The following IMMP2L variants were observed in gnomAD, a reference collection of about 807,000 sequenced individuals.
IMMP2L encodes inner mitochondrial membrane peptidase subunit 2, also known as mitochondrial inner membrane protease subunit 2.
Under a neutral mutation model 19.3 loss-of-function variants are expected in IMMP2L, and 18 were observed. The observed-to-expected ratio is 0.93, with a 90% CI of 0.64 to 1.38. IMMP2L has a LOEUF of 1.38. Ranked by LOEUF, IMMP2L falls within the 40% of genes most tolerant of loss-of-function variation. The pLI is 0.00. For synonymous variants in IMMP2L, 76 were observed against 73.0 expected (o/e 1.04, Z -0.21); for missense variants, 233 against 218.2 (o/e 1.07, Z -0.43).
At chr7:111,375,116 C>T (rs909759016) in intron 3 of IMMP2L, among the ~76,000 whole-genome samples, 1 of 151,982 alleles carries the variant, frequency 6.6e-6, no homozygotes, top group Non-Finnish European at 1.5e-5. Flanking sequence ...CTCAGCAGAA[C>T]TCTCAGGATG....
chr7:111,108,748 G>A (rs549367292), intron 3 of IMMP2L, among the ~76,000 whole-genome samples: 13 of 152,034 alleles, frequency 8.6e-5, no homozygotes, highest in Non-Finnish European at 1.6e-4. Flanking sequence ...AATAGTTCAT[G>A]CATACAAACC....
chr7:111,382,411 C>T (rs774583577), intron 3 of IMMP2L, among the ~76,000 whole-genome samples: 2 of 151,854 alleles, frequency 1.3e-5, no homozygotes, highest in Admixed American at 6.6e-5. Flanking sequence ...TTCATGAAGG[C>T]GATCCCAATG....
intron 4 of IMMP2L, among the ~76,000 whole-genome samples, chr7:110,945,008 T>A (rs1817109420): frequency 6.6e-6 from 1 of 151,756 alleles, no homozygotes; most frequent in Admixed American, 6.6e-5. Flanking sequence ...GAAATGAAAA[T>A]GCTGAGTAGG....
intron 3 of IMMP2L, among the ~76,000 whole-genome samples, chr7:110,975,085 CAT>C (rs751506538): frequency 6.6e-6 from 1 of 152,036 alleles, no homozygotes; most frequent in Non-Finnish European, 1.5e-5. Flanking sequence ...CCTATCTATT[CAT>C]AGTTACACTG....
chr7:110,707,341 T>G (rs1794777158), intron 5 of IMMP2L, among the ~76,000 whole-genome samples: 1 of 8,048 alleles, frequency 1.2e-4, no homozygotes, highest in Admixed American at 1.1e-3. Context: ...GAACTCATCA[T>G]TTTTTATGGC....
At chr7:111,293,478 C>T (rs941655710) in intron 3 of IMMP2L, among the ~76,000 whole-genome samples, 1 of 151,578 alleles carries the variant, frequency 6.6e-6, no homozygotes. Context: ...GTCTACGCAG[C>T]TAGCAAACCA....
Position 110,952,674 on chromosome 7 carries a change from C to T in IMMP2L, c.305+10826G>A, listed in dbSNP as rs1817953450. 2.0e-5 allele frequency among the ~76,000 whole-genome samples: 3 copies of T among 152,276 alleles called. No individual in the cohort carries two copies. The South Asian group carries it at 6.2e-4, about 32-fold the overall frequency. On this transcript the variant is annotated intron_variant, in intron 4 of 5. Transcript: ENST00000405709. Reference sequence around the variant, plus strand: ...CATGGAGATGTGGATAAGGATAAAGCTGGATTAGTCATCCTGCTAGGCTCT... The same window carrying T: ...CATGGAGATGTGGATAAGGATAAAGTTGGATTAGTCATCCTGCTAGGCTCT...
chr7:110,704,069 G>C (rs1794478307), intron 5 of IMMP2L, among the ~76,000 whole-genome samples: 1 of 152,022 alleles, frequency 6.6e-6, no homozygotes, highest in Non-Finnish European at 1.5e-5. Flanking sequence ...GGATGGTCTT[G>C]ATCTCCTGAC....
chr7:111,182,541 T>C (rs1054445339), intron 3 of IMMP2L, among the ~76,000 whole-genome samples: 1 of 151,230 alleles, frequency 6.6e-6, no homozygotes, highest in Non-Finnish European at 1.5e-5. Flanking sequence ...CAACTGAAAA[T>C]GACAAAAAGG....
chr7:111,179,979 A>T (rs553675850), intron 3 of IMMP2L, among the ~76,000 whole-genome samples: 2 of 151,986 alleles, frequency 1.3e-5, no homozygotes, highest in South Asian at 4.1e-4. Context: ...ACAGAATTGA[A>T]GAGAGTTAGG....
In IMMP2L at chr7:110,803,544, T is replaced by C. The variant is rs1189854612; in HGVS notation, c.408+83049A>G. Among the ~76,000 whole-genome samples the C allele has an allele frequency of 6.6e-6, 1 of 152,036 alleles. No individual in the cohort carries two copies. The highest frequency in any genetic ancestry group is 1.5e-5 in the Non-Finnish European group (1 of 67,976). On this transcript the variant is annotated intron_variant, in intron 5 of 5. Coordinates refer to ENST00000405709, the MANE Select transcript of IMMP2L (RefSeq NM_032549.4). This position sits in a 1 kb window ranked among gnomAD's most constrained non-coding sequence, Gnocchi z 4.2. ...AGAATGAGGCTGAGAGGGAAGTCAG[T>C]TGACACCACTAGGAGGTCTACCACT...
At position 110,891,131 on chromosome 7, in the gene IMMP2L, G is replaced by C. The variant is rs556615584; in HGVS notation, c.306-4436C>G. Among the ~76,000 whole-genome samples, 3 of 151,068 alleles carry C rather than the reference G, an allele frequency of 2.0e-5. No individual in the cohort carries two copies. In the East Asian group the frequency reaches 5.8e-4, roughly 29 times the overall value. On this transcript the variant is annotated intron_variant, in intron 4 of 5. Transcript: ENST00000405709. ...GATGTTTACTGCTCCCTGGATACTAGATCCATGGTTTTCATTGTCTTGAAG... is the reference window on the plus strand; with the variant it reads ...GATGTTTACTGCTCCCTGGATACTACATCCATGGTTTTCATTGTCTTGAAG...
In IMMP2L at chr7:111,420,334, G is replaced by A. The variant is rs1002685142; in HGVS notation, c.239+66904C>T. ...ATTGAGAGATCACAAAAGAAATTCCGAACTTCTCTGACCAAGGACAGTTGT... is the reference window on the plus strand; with the variant it reads ...ATTGAGAGATCACAAAAGAAATTCCAAACTTCTCTGACCAAGGACAGTTGT... On this transcript the variant is annotated intron_variant, in intron 3 of 5. Transcript: ENST00000405709. Among the ~76,000 whole-genome samples the A allele has an allele frequency of 5.2e-4, 79 of 151,784 alleles. 2 individuals are homozygous for A. The highest frequency in any genetic ancestry group is 1.7e-3 in the African/African-American group (72 of 41,182).
At chr7:111,521,523 TG>T (rs1340878445) in intron 1 of IMMP2L, 74 bp from the exon 2 acceptor site, 1 of 1,390,538 alleles carries the variant, frequency 7.2e-7, no homozygotes, top group African/African-American at 1.4e-5. Flanking sequence ...AAACAGTACA[TG>T]AAAAGTAAGA....
intron 3 of IMMP2L, among the ~76,000 whole-genome samples, chr7:111,442,431 A>G (rs2131804654): frequency 6.6e-6 from 1 of 151,798 alleles, no homozygotes; most frequent in African/African-American, 2.4e-5. Flanking sequence ...CAGTTGAATG[A>G]TTTTCTAGAC....
chr7:110,814,908 G>T (rs895186608), intron 5 of IMMP2L, among the ~76,000 whole-genome samples: 3 of 151,862 alleles, frequency 2.0e-5, no homozygotes, highest in Non-Finnish European at 2.9e-5. Flanking sequence ...CAGGGACCAT[G>T]TAGGTTTCAA....
intron 3 of IMMP2L, among the ~76,000 whole-genome samples, chr7:110,993,027 T>G (rs1822652623): frequency 6.6e-6 from 1 of 152,192 alleles, no homozygotes; most frequent in Admixed American, 6.6e-5. Context: ...AACCTAATCT[T>G]GTTATATGAA....
intron 4 of IMMP2L, among the ~76,000 whole-genome samples, chr7:110,893,817 G>T (rs985895026): frequency 6.6e-6 from 1 of 152,128 alleles, no homozygotes; most frequent in African/African-American, 2.4e-5. Context: ...TGTTTAAACT[G>T]TAAAACTGTG....
In IMMP2L at chr7:110,757,278, C is replaced by T. The variant is rs1353498123; in HGVS notation, c.409-93557G>A. 1.3e-5 allele frequency among the ~76,000 whole-genome samples: 2 copies of T among 151,444 alleles called. No homozygotes were observed. Among genetic ancestry groups the T allele is most frequent in the African/African-American group, 4.9e-5 (2 of 41,234 alleles). ...GAGGGAACCACATCCAGAAGGGCTT[C>T]GTATTTGGTTTAATACTCACCATCA... is the stretch of plus-strand genomic sequence containing the variant. On this transcript the variant is annotated intron_variant, in intron 5 of 5. Transcript: ENST00000405709. The surrounding 1 kb of genome is among the most constrained non-coding windows in gnomAD (Gnocchi z 4.2).
Sources: gnomAD v4.1 joint callset for allele counts (sites outside exome capture counted in the v4.1 genomes callset) on GRCh38, gnomAD v4.1.1 for gene constraint, Gnocchi (gnomAD v3.1) non-coding constraint, MANE v1.5 for transcripts, NCBI Gene and HGNC (gene_info 2026-07-23, HGNC 2026-07-21) for gene names.